The following SLC12A8 variants were observed in gnomAD, a reference collection of about 807,000 sequenced individuals.
The protein encoded by SLC12A8 is cation-chloride cotransporter 9.
A neutral mutation model predicts 75.6 loss-of-function variants in SLC12A8; 69 were observed. The observed-to-expected ratio is 0.91, with a 90% CI of 0.75 to 1.11. The LOEUF is 1.11. Ranked by LOEUF, SLC12A8 falls within the 50% of genes most tolerant of loss-of-function variation. The pLI is 0.00. For synonymous variants in SLC12A8, 365 were observed against 372.8 expected (o/e 0.98, Z 0.24); for missense variants, 877 against 896.7 (o/e 0.98, Z 0.28).
chr3:125,207,432 G>C (rs1935247295), intron 2 of SLC12A8, among the ~76,000 whole-genome samples: 1 of 152,188 alleles, frequency 6.6e-6, no homozygotes, highest in African/African-American at 2.4e-5. Flanking sequence ...AAAGCCTCAG[G>C]CTAGCTGGAG....
intron 5 of SLC12A8, among the ~76,000 whole-genome samples, chr3:125,166,228 T>C (rs1236228783): frequency 6.6e-6 from 1 of 151,968 alleles, no homozygotes; most frequent in East Asian, 1.9e-4. Flanking sequence ...CCAGCTGCCA[T>C]GTTCCTCCCG....
chr3:125,208,103 C>T (rs879546246), intron 2 of SLC12A8, among the ~76,000 whole-genome samples: 6 of 152,200 alleles, frequency 3.9e-5, no homozygotes, highest in Non-Finnish European at 7.3e-5. Context: ...TTTGAGTCTA[C>T]CACCAGAGCA....
chr3:125,118,620 C>A, intron 8 of SLC12A8, 149 bp downstream of exon 8: 8 of 576,638 alleles, frequency 1.4e-5, no homozygotes, highest in East Asian at 3.2e-5. Context: ...CAGAGTGAGA[C>A]CCTGTCTCAA....
intron 5 of SLC12A8, among the ~76,000 whole-genome samples, chr3:125,163,403 C>T (rs945814823): frequency 6.6e-6 from 1 of 151,670 alleles, no homozygotes; most frequent in African/African-American, 2.4e-5. Flanking sequence ...GTCGGGAGAT[C>T]GAGACCATCC....
At chr3:125,149,851 G>T (rs1378494870) in intron 5 of SLC12A8, among the ~76,000 whole-genome samples, 3 of 152,170 alleles carry the variant, frequency 2.0e-5, no homozygotes, top group Non-Finnish European at 4.4e-5. Flanking sequence ...AGGGAGAGCA[G>T]GTGGATTTTG....
At chr3:125,102,336 A>G (rs1484235109) in intron 10 of SLC12A8, among the ~76,000 whole-genome samples, 1 of 152,212 alleles carries the variant, frequency 6.6e-6, no homozygotes, top group Non-Finnish European at 1.5e-5. Context: ...TGAAAGCGGA[A>G]CGTACAGTGC....
chr3:125,132,524 G>A (rs991033061), intron 6 of SLC12A8, among the ~76,000 whole-genome samples: 1 of 152,248 alleles, frequency 6.6e-6, no homozygotes, highest in African/African-American at 2.4e-5. Context: ...TGGAAAGAAA[G>A]AGGGAGGTCT....
At chr3:125,149,607 A>G (rs1296881004) in intron 5 of SLC12A8, among the ~76,000 whole-genome samples, 2 of 152,200 alleles carry the variant, frequency 1.3e-5, no homozygotes, top group African/African-American at 4.8e-5. Context: ...AAGAACCACC[A>G]ACATAAAATA....
intron 5 of SLC12A8, among the ~76,000 whole-genome samples, chr3:125,170,674 G>A (rs1463206649): frequency 6.6e-6 from 1 of 152,210 alleles, no homozygotes; most frequent in Non-Finnish European, 1.5e-5. Context: ...CAGCACTTTG[G>A]GAGGCTGAGG....
At chr3:125,131,042 A>G (rs1308587671) in intron 6 of SLC12A8, among the ~76,000 whole-genome samples, 2 of 152,220 alleles carry the variant, frequency 1.3e-5, no homozygotes, top group African/African-American at 4.8e-5. Context: ...ATGGTTTTCA[A>G]TTTGTGTGTG....
At chr3:125,134,557 C>A (rs1391569041) in intron 6 of SLC12A8, among the ~76,000 whole-genome samples, 1 of 152,218 alleles carries the variant, frequency 6.6e-6, no homozygotes, top group Non-Finnish European at 1.5e-5. Context: ...TACAAATCTT[C>A]ATATGAACAC....
At chr3:125,153,541 A>T (rs920658999) in intron 5 of SLC12A8, among the ~76,000 whole-genome samples, 2 of 152,248 alleles carry the variant, frequency 1.3e-5, no homozygotes, top group Non-Finnish European at 2.9e-5. Context: ...GAAGTACAAG[A>T]CAAATACGAG....
At chr3:125,147,842 G>A (rs1933823586) in intron 5 of SLC12A8, among the ~76,000 whole-genome samples, 2 of 152,152 alleles carry the variant, frequency 1.3e-5, no homozygotes, top group Non-Finnish European at 2.9e-5. Context: ...CCCAGATCCT[G>A]AAGCACTGCC....
chr3:125,111,955 CT>C lies in SLC12A8; in HGVS notation c.913-1621del, dbSNP rs369173345. On this transcript the variant is annotated intron_variant, in intron 8 of 13. Transcript: ENST00000469902. ...CTTGGCCAGGATGCTGCCAACACCC[CT>C]GCTGCCCTGTGGATGGATTCTCACC... Among the ~76,000 whole-genome samples, 50 of 152,350 alleles carry C rather than the reference CT, an allele frequency of 3.3e-4. No individual in the cohort carries two copies. In the East Asian group the frequency reaches 8.3e-3, roughly 25 times the overall value.
intron 2 of SLC12A8, among the ~76,000 whole-genome samples, chr3:125,194,552 C>T (rs1191865606): frequency 6.6e-6 from 1 of 152,178 alleles, no homozygotes; most frequent in Non-Finnish European, 1.5e-5. Flanking sequence ...GAAAGTTCTG[C>T]CAGAGGCAAT....
intron 5 of SLC12A8, among the ~76,000 whole-genome samples, chr3:125,165,053 G>A (rs1218424980): frequency 6.6e-6 from 1 of 152,214 alleles, no homozygotes; most frequent in Non-Finnish European, 1.5e-5. Context: ...CCTGGGCTTT[G>A]AAGTTACTTC....
At chr3:125,190,276 G>T in intron 3 of SLC12A8, 99 bp downstream of exon 3, 2 of 1,310,278 alleles carry the variant, frequency 1.5e-6, no homozygotes, top group Non-Finnish European at 2.1e-6. Flanking sequence ...GAGCATCTGT[G>T]CTTCAGGAAT....
Position 125,177,746 on chromosome 3 carries a change from G to T in SLC12A8, c.619C>A (p.Pro207Thr), listed in dbSNP as rs1406737223. Residue 207 changes from proline (P) to threonine (T), a missense_variant, in exon 5 of 14, where the codon CCA becomes ACA. Physicochemically the swap from Pro to Thr is conservative, Grantham distance 38. Transcript: ENST00000469902. Reference sequence around the variant, plus strand: ...TACTGGACTCTGAAAGGCTTACCTGGGTCCAGGTGGGTGAAAGAACCCACC... The same window carrying T: ...TACTGGACTCTGAAAGGCTTACCTGTGTCCAGGTGGGTGAAAGAACCCACC... ...FVVGSFTHLD[P>T]EHGFIGYSPE... 2 of 1,613,338 alleles carry T rather than the reference G, an allele frequency of 1.2e-6. No individual in the cohort carries two copies. The highest frequency in any genetic ancestry group is 3.3e-5 in the Admixed American group (2 of 60,010).
intron 4 of SLC12A8, among the ~76,000 whole-genome samples, chr3:125,180,553 C>T (rs553848837): frequency 2.0e-5 from 3 of 152,144 alleles, no homozygotes; most frequent in African/African-American, 4.8e-5. Flanking sequence ...AAGCCAGGCA[C>T]GGTGGTGTGC....
Sources: allele counts gnomAD v4.1 joint callset (sites outside exome capture counted in the v4.1 genomes callset), GRCh38; gene constraint gnomAD v4.1.1; transcripts MANE v1.5; gene names NCBI Gene and HGNC (gene_info 2026-07-23, HGNC 2026-07-21).